The following CHCHD3 variants were observed in gnomAD, a reference collection of about 807,000 sequenced individuals.
The protein encoded by CHCHD3 is MICOS complex subunit MIC19.
CHCHD3 carries 20 observed loss-of-function variants against 38.2 expected under a neutral mutation model. That is an observed-to-expected ratio of 0.52 (90% CI 0.37 to 0.76). CHCHD3 has a LOEUF of 0.76. Among genes scored for constraint, CHCHD3 ranks in the 30% least tolerant of loss-of-function variants. The probability of loss-of-function intolerance (pLI) is 0.00; values close to 1 mark genes in which losing one functional copy is unlikely to be tolerated. For missense variants in CHCHD3, 245 were observed against 279.2 expected (o/e 0.88, Z 0.87); for synonymous variants, 82 against 100.0 (o/e 0.82, Z 1.07).
intron 5 of CHCHD3, among the ~76,000 whole-genome samples, chr7:132,848,294 T>C (rs990989412): frequency 7.2e-5 from 11 of 152,140 alleles, no homozygotes; most frequent in Non-Finnish European, 1.3e-4. Context: ...GATTCAAAAG[T>C]CTTAATTATA....
intron 6 of CHCHD3, among the ~76,000 whole-genome samples, chr7:132,827,389 G>A (rs148586881): frequency 2.6e-4 from 39 of 152,294 alleles, no homozygotes; most frequent in African/African-American, 6.3e-4. Context: ...TACATAGCCT[G>A]AAGGTCATTT....
intron 3 of CHCHD3, among the ~76,000 whole-genome samples, chr7:133,004,193 C>A (rs62465318): frequency 0.21 from 32,204 of 152,026 alleles, 3,693 homozygotes; most frequent in South Asian, 0.28. Flanking sequence ...AACTCCTGAC[C>A]TCAGGTGATC....
chr7:132,833,009 CAT>C (rs1164367426), intron 6 of CHCHD3, among the ~76,000 whole-genome samples: 1 of 152,194 alleles, frequency 6.6e-6, no homozygotes, highest in Non-Finnish European at 1.5e-5. Context: ...TCCGATAGCA[CAT>C]AGTTTCATAA....
chr7:133,075,879 G>A (rs1221532626), intron 1 of CHCHD3, among the ~76,000 whole-genome samples: 1 of 151,974 alleles, frequency 6.6e-6, no homozygotes, highest in Non-Finnish European at 1.5e-5. Flanking sequence ...CTAACACGGT[G>A]AAACCCCATC....
At chr7:132,798,404 A>G (rs577134500) in intron 6 of CHCHD3, among the ~76,000 whole-genome samples, 1 of 152,314 alleles carries the variant, frequency 6.6e-6, no homozygotes, top group South Asian at 2.1e-4. Context: ...TACCACGAAC[A>G]TCAGGATTTA....
At chr7:132,941,447 C>T (rs1487153071) in intron 4 of CHCHD3, among the ~76,000 whole-genome samples, 1 of 152,106 alleles carries the variant, frequency 6.6e-6, no homozygotes, top group Non-Finnish European at 1.5e-5. Context: ...CAAAATACCC[C>T]CACTAAGACC....
intron 4 of CHCHD3, among the ~76,000 whole-genome samples, chr7:132,898,879 A>G (rs1809588514): frequency 6.6e-6 from 1 of 152,186 alleles, no homozygotes; most frequent in Non-Finnish European, 1.5e-5. Context: ...CGGGGCCGGC[A>G]GGGCCGGCCG....
chr7:132,979,068 G>C (rs1051377631), intron 3 of CHCHD3, among the ~76,000 whole-genome samples: 11 of 152,084 alleles, frequency 7.2e-5, no homozygotes, highest in African/African-American at 2.7e-4. Flanking sequence ...AATCTAATAA[G>C]CCTCAGTTTC....
chr7:132,842,995 C>G (rs995402146), intron 5 of CHCHD3, among the ~76,000 whole-genome samples: 12 of 152,132 alleles, frequency 7.9e-5, no homozygotes, highest in African/African-American at 2.9e-4. Flanking sequence ...CTGCCTGCAG[C>G]AATGATTACT....
intron 3 of CHCHD3, among the ~76,000 whole-genome samples, chr7:132,982,386 G>A (rs1811942585): frequency 6.6e-6 from 1 of 152,200 alleles, no homozygotes; most frequent in Non-Finnish European, 1.5e-5. Context: ...CGGGATTCAA[G>A]CGATTCTCCT....
intron 4 of CHCHD3, among the ~76,000 whole-genome samples, chr7:132,918,634 G>A (rs1308923942): frequency 6.6e-6 from 1 of 152,252 alleles, no homozygotes; most frequent in South Asian, 2.1e-4. Flanking sequence ...AGGTCAGTGA[G>A]AACTAAAAGA....
intron 5 of CHCHD3, among the ~76,000 whole-genome samples, chr7:132,864,301 G>A (rs1191614227): frequency 6.6e-6 from 1 of 152,194 alleles, no homozygotes; most frequent in Non-Finnish European, 1.5e-5. Flanking sequence ...GGAGGGAAAA[G>A]AGATGGGGAA....
chr7:132,949,890 A>AAAGTAGACAC (rs1264647243), intron 4 of CHCHD3, among the ~76,000 whole-genome samples: 1 of 152,114 alleles, frequency 6.6e-6, no homozygotes, highest in Non-Finnish European at 1.5e-5. Flanking sequence ...CTAGACACAA[A>AAAGTAGACAC]AAGTAGACAC....
intron 4 of CHCHD3, among the ~76,000 whole-genome samples, chr7:132,916,589 C>CT (rs56815473): frequency 2.0e-5 from 3 of 151,824 alleles, no homozygotes; most frequent in Non-Finnish European, 4.4e-5. Context: ...CTTACTATGC[C>CT]TTTTTTAAAA....
At chr7:132,855,538 T>C (rs914452591) in intron 5 of CHCHD3, among the ~76,000 whole-genome samples, 4 of 152,200 alleles carry the variant, frequency 2.6e-5, no homozygotes, top group Non-Finnish European at 5.9e-5. Flanking sequence ...GATGTGTTTA[T>C]CTTTTTGTAT....
At chr7:133,036,399 A>G (rs1813675224) in intron 2 of CHCHD3, among the ~76,000 whole-genome samples, 1 of 152,240 alleles carries the variant, frequency 6.6e-6, no homozygotes, top group South Asian at 2.1e-4. Flanking sequence ...TTAAATTTAT[A>G]TGCATTTCAA....
At chr7:132,809,919 A>G (rs1436788038) in intron 6 of CHCHD3, among the ~76,000 whole-genome samples, 1 of 152,250 alleles carries the variant, frequency 6.6e-6, no homozygotes, top group Non-Finnish European at 1.5e-5. Context: ...AAAAGTGCTC[A>G]AACAACATAC....
chr7:132,820,943 C>T (rs1240156005), intron 6 of CHCHD3, among the ~76,000 whole-genome samples: 1 of 152,036 alleles, frequency 6.6e-6, no homozygotes, highest in Admixed American at 6.5e-5. Context: ...CATACCATTG[C>T]GTATGTATGT....
chr7:132,947,821 CA>C, intron 4 of CHCHD3, among the ~76,000 whole-genome samples: 1 of 151,924 alleles, frequency 6.6e-6, no homozygotes, highest in East Asian at 1.9e-4. Flanking sequence ...ATCAGGTAGT[CA>C]ATTTATGTAA....
Sources: allele counts gnomAD v4.1 joint callset (sites outside exome capture counted in the v4.1 genomes callset), GRCh38; gene constraint gnomAD v4.1.1; transcripts MANE v1.5; gene names NCBI Gene and HGNC (gene_info 2026-07-23, HGNC 2026-07-21).